FAM162A: variants seen among roughly 807,000 people sequenced by gnomAD.
FAM162A encodes the protein protein FAM162A.
In FAM162A, 23 loss-of-function variants were observed where a neutral mutation model predicts 21.8. The observed-to-expected ratio is 1.05, with a 90% confidence interval of 0.76 to 1.49. The LOEUF is 1.49. Among genes scored for constraint, FAM162A ranks in the 40% most tolerant of loss-of-function variants. The pLI is 0.00. For missense variants in FAM162A, 165 were observed against 186.4 expected, an observed-to-expected ratio of 0.89 and a Z score of 0.67; for synonymous variants, 53 against 61.3, an observed-to-expected ratio of 0.86 and a Z score of 0.64.
chr3:122,396,902 A>G (rs1414677901), intron 1 of FAM162A, among the ~76,000 whole-genome samples: 1 of 152,040 alleles, frequency 6.6e-6, no homozygotes, highest in African/African-American at 2.4e-5. Context: ...TTTATATAAA[A>G]TGTCCAGAAT....
At chr3:122,398,098 T>C (rs1001091971) in intron 1 of FAM162A, among the ~76,000 whole-genome samples, 13 of 152,112 alleles carry the variant, frequency 8.5e-5, no homozygotes, top group Non-Finnish European at 1.5e-4. Flanking sequence ...TGTGTAAAAA[T>C]GCAACGTAAG....
At chr3:122,388,879 C>G (rs1397375356) in intron 1 of FAM162A, among the ~76,000 whole-genome samples, 1 of 152,098 alleles carries the variant, frequency 6.6e-6, no homozygotes, top group Non-Finnish European at 1.5e-5. Context: ...GAAACCCTGT[C>G]TCTACTAAAA....
chr3:122,395,333 A>T (rs1391244158), intron 1 of FAM162A, among the ~76,000 whole-genome samples: 1 of 152,230 alleles, frequency 6.6e-6, no homozygotes, highest in Non-Finnish European at 1.5e-5. Flanking sequence ...AGATAACATG[A>T]TCATGTATAT....
chr3:122,399,634 A>C (rs966212043), intron 1 of FAM162A, among the ~76,000 whole-genome samples: 1 of 152,170 alleles, frequency 6.6e-6, no homozygotes, highest in African/African-American at 2.4e-5. Flanking sequence ...ATTCCTTTGG[A>C]GATATACCCA....
At chr3:122,405,800 A>C (rs2075674266) in intron 3 of FAM162A, among the ~76,000 whole-genome samples, 1 of 152,172 alleles carries the variant, frequency 6.6e-6, no homozygotes. Context: ...ATTACTTTTC[A>C]TGAGGATCAT....
Position 122,410,251 on chromosome 3 carries a change from G to A in FAM162A, c.*420G>A. The A allele has an allele frequency of 3.5e-6, 1 of 286,020 alleles. No individual in the cohort carries two copies. The allele number at this position is 286,020 out of a possible 1,614,324, so 17.7% of individuals were successfully genotyped here. On this transcript the variant is annotated 3_prime_UTR_variant, in exon 5 of 5. Coordinates refer to ENST00000477892, the MANE Select transcript of FAM162A (RefSeq NM_014367.4). Reference sequence around the variant, plus strand: ...TTCTCAAATGTCCTGGTGTACTGGTGGGGAGGCTGCCCCCTAATAGAGCGA... The same window carrying A: ...TTCTCAAATGTCCTGGTGTACTGGTAGGGAGGCTGCCCCCTAATAGAGCGA...
intron 1 of FAM162A, chr3:122,401,363 C>T: frequency 1.1e-5 from 11 of 1,008,200 alleles, no homozygotes; most frequent in Non-Finnish European, 1.3e-5. Context: ...ACAGAGAACT[C>T]CTTTTCTTTC....
rs192216169 is a variant in FAM162A, at chr3:122,395,018, C to T, written c.35-7742C>T. 3.9e-5 allele frequency among the ~76,000 whole-genome samples: 6 copies of T among 152,220 alleles called. No individual in the cohort carries two copies. The East Asian group carries it at 1.2e-3, about 29-fold the overall frequency. On this transcript the variant is annotated intron_variant, in intron 1 of 4. Transcript: ENST00000477892. ...ATGTTAATAGAATAAAGGAAAAAAA[C>T]ACATAACCACATCAGTAAACACAGA...
chr3:122,384,214 C>G lies in FAM162A; in HGVS notation c.-52C>G. On this transcript the variant is annotated 5_prime_UTR_variant, in exon 1 of 5. Transcript: ENST00000477892. ...CGCTGGGTGACATTGAGCTCACCAG[C>G]GCCACCGTCCCCGGCGAAGTTCTGC... 1.9e-6 allele frequency: 3 copies of G among 1,551,444 alleles called. No homozygotes were observed. The highest frequency in any genetic ancestry group is 1.4e-5 in the African/African-American group (1 of 73,304).
At chr3:122,394,056 G>A (rs963740907) in intron 1 of FAM162A, among the ~76,000 whole-genome samples, 2 of 152,182 alleles carry the variant, frequency 1.3e-5, no homozygotes, top group Non-Finnish European at 2.9e-5. Flanking sequence ...TACAATCATG[G>A]TGGAAGGCGA....
chr3:122,394,621 C>A (rs2075619060), intron 1 of FAM162A, among the ~76,000 whole-genome samples: 1 of 152,106 alleles, frequency 6.6e-6, no homozygotes, highest in African/African-American at 2.4e-5. Context: ...AGTCCTGTAA[C>A]AGGAGATTGA....
chr3:122,406,701 T>G (rs1413820092), intron 3 of FAM162A, among the ~76,000 whole-genome samples: 1 of 152,268 alleles, frequency 6.6e-6, no homozygotes, highest in African/African-American at 2.4e-5. Context: ...ATTTTAGATA[T>G]TCTCAAATCT....
Position 122,402,827 on chromosome 3 carries a change from G to A in FAM162A, c.102G>A (p.Leu34=), listed in dbSNP as rs2075659100. 2.5e-6 allele frequency: 4 copies of A among 1,604,676 alleles called. No homozygotes were observed. The Admixed American group carries it at 6.8e-5, about 27-fold the overall frequency. ...TAAGGCTTACCAGAAGCTCTGATTT[G>A]AAGAGAATAAATGGATTTTGCACAA... The part of the protein sequence containing the change: ...SSLRLTRSSD[L]KRINGFCTKP... The change falls in exon 2 of 5, where the codon TTG becomes TTA. Residue 34 remains leucine (L), a synonymous_variant. Transcript: ENST00000477892.
chr3:122,403,016 A>G (rs1475899549), intron 2 of FAM162A, 134 bp downstream of exon 2: 4 of 1,039,044 alleles, frequency 3.8e-6, no homozygotes. Context: ...TTGTGTTCAC[A>G]TTGTGCATGT....
At position 122,412,148 on chromosome 3, in the gene FAM162A, A is replaced by C. The variant is rs1435306770; in HGVS notation, c.*2317A>C. 6.6e-6 allele frequency: 1 copy of C among 152,182 alleles called. No individual in the cohort carries two copies. The highest frequency in any genetic ancestry group is 6.5e-5 in the Admixed American group (1 of 15,274). 9.4% of individuals were successfully genotyped at this position (152,182 alleles called of 1,614,324 possible). ...AATGAGCACTACTATAAGGTACCAC[A>C]AACTACAAAAGGAGACAGTTTTGCC... On this transcript the variant is annotated 3_prime_UTR_variant, in exon 5 of 5. Transcript: ENST00000477892.
intron 2 of FAM162A, 124 bp downstream of exon 2, chr3:122,403,006 T>C: frequency 1.8e-6 from 2 of 1,102,670 alleles, no homozygotes; most frequent in East Asian, 5.1e-5. Context: ...AGAGAACACA[T>C]TGTGTTCACA....
intron 1 of FAM162A, among the ~76,000 whole-genome samples, chr3:122,389,087 T>G (rs1188391188): frequency 6.6e-6 from 1 of 151,532 alleles, no homozygotes; most frequent in Non-Finnish European, 1.5e-5. Flanking sequence ...TAGAAAGAGG[T>G]CACTAATGTT....
At position 122,407,352 on chromosome 3, in the gene FAM162A, T is replaced by C. The variant is rs1439868514; in HGVS notation, c.335T>C (p.Val112Ala). 1.2e-6 allele frequency: 2 copies of C among 1,613,884 alleles called. No individual in the cohort carries two copies. The highest frequency in any genetic ancestry group is 2.2e-5 in the South Asian group (2 of 91,058). Residue 112 changes from valine to alanine, a missense_variant, in exon 4 of 5, where the codon GTG (valine) becomes GCG (alanine). Physicochemically the swap from Val to Ala is moderately conservative, Grantham distance 64. Coordinates refer to ENST00000477892, the MANE Select transcript of FAM162A (RefSeq NM_014367.4). ...AGCTATCTAATGATTGCCCTGACGG[T>C]GGTAGGATGCATCTTCATGGTTATT... The part of the protein sequence containing the change: ...KISYLMIALT[V>A]VGCIFMVIEG...
intron 1 of FAM162A, among the ~76,000 whole-genome samples, chr3:122,385,569 A>G (rs72956533): frequency 0.025 from 3,744 of 152,310 alleles, 146 homozygotes; most frequent in African/African-American, 0.086. Context: ...TTGAACTAAT[A>G]CTGAGTATAT....
Sources: gnomAD v4.1 joint callset for allele counts (sites outside exome capture counted in the v4.1 genomes callset) on GRCh38, gnomAD v4.1.1 for gene constraint, MANE v1.5 for transcripts, NCBI Gene and HGNC (gene_info 2026-07-23, HGNC 2026-07-21) for gene names.